SNAPC4: variants seen among roughly 807,000 people sequenced by gnomAD.
SNAPC4 encodes the protein snRNA-activating protein complex subunit 4.
In SNAPC4, 127 loss-of-function variants were observed where a neutral mutation model predicts 151.3. The ratio of observed to expected loss-of-function variants is 0.84; its 90% CI spans 0.73 to 0.97. SNAPC4 has a LOEUF of 0.97. SNAPC4 is among the 50% of genes least tolerant of loss of function. SNAPC4 has a pLI of 0.00. For synonymous variants in SNAPC4, 1,002 were observed against 824.4 expected, an observed-to-expected ratio of 1.22 and a Z score of -3.69; for missense variants, 2,186 against 1,935.0, an observed-to-expected ratio of 1.13 and a Z score of -2.43.
At chr9:136,381,689 A>G (rs1677832885) in intron 18 of SNAPC4, 135 bp downstream of exon 18, 9 of 1,100,190 alleles carry the variant, frequency 8.2e-6, no homozygotes, top group Non-Finnish European at 1.2e-5. Context: ...GAAGCTGACC[A>G]GAGGTGGCGC....
At position 136,379,780 on chromosome 9, in the gene SNAPC4, T is replaced by C. The variant is rs1833620157; in HGVS notation, c.2527+57A>G. On this transcript the variant is annotated intron_variant, in intron 21 of 23. Coordinates refer to ENST00000684778, the MANE Select transcript of SNAPC4 (RefSeq NM_003086.4). ...GAAAGCCAGGGCCAGGTTAGGCCTC[T>C]TCCCCGCCAGGGCCAGGTTAGGTCT... 44 of 1,561,840 alleles carry C rather than the reference T, an allele frequency of 2.8e-5. No individual in the cohort carries two copies. The South Asian group carries it at 4.6e-4, about 16-fold the overall frequency.
intron 9 of SNAPC4, 105 bp from the exon 10 acceptor site, chr9:136,392,211 G>C (rs139076496): frequency 1.2e-5 from 17 of 1,403,516 alleles, no homozygotes; most frequent in Non-Finnish European, 1.6e-5. Flanking sequence ...AGGCTTCCAC[G>C]GCTGCAAGTA....
In SNAPC4 at chr9:136,383,646, C is replaced by A. The variant is rs145651274; in HGVS notation, c.1523G>T (p.Arg508Leu). ...MMGKKQGLRRRRRRARHSVRW... is the reference protein window; with the variant it reads ...MMGKKQGLRRLRRRARHSVRW... The stretch of plus-strand genomic sequence containing the variant: ...GACGCTGTGACGGGCCCTCCGCCGC[C>A]GCCTCCGGAGACCCTGCTTCTTCTG... Residue 508 changes from arginine (R) to leucine (L), a missense_variant, in exon 16 of 24, where the codon CGG becomes CTG. By Grantham distance (102) the Arg-to-Leu change is moderately radical. Transcript: ENST00000684778. This position sits in a 1 kb window ranked among gnomAD's most constrained non-coding sequence, Gnocchi z 4.2. The A allele has an allele frequency of 6.2e-7, 1 of 1,607,834 alleles. No homozygotes were observed. The highest frequency in any genetic ancestry group is 2.2e-5 in the East Asian group (1 of 44,814).
At chr9:136,385,532 G>A (rs775574685) in intron 13 of SNAPC4, among the ~76,000 whole-genome samples, 6 of 151,490 alleles carry the variant, frequency 4.0e-5, no homozygotes, top group African/African-American at 1.2e-4. Flanking sequence ...ACAGAAACGC[G>A]GTATTTATAT....
chr9:136,395,628 A>T lies in SNAPC4; in HGVS notation c.320T>A (p.Leu107Gln). 6.2e-6 allele frequency: 10 copies of T among 1,612,460 alleles called. No homozygotes were observed. Among genetic ancestry groups the T allele is most frequent in the Non-Finnish European group, 8.5e-6 (10 of 1,179,670 alleles). Reference protein sequence around the residue: ...IQEKLAEANLLLAQNREQQEE... With the variant: ...IQEKLAEANLQLAQNREQQEE... ...CTGCTGCTCCCGGTTCTGGGCCAGC[A>T]GCAGGTTGGCCTCAGCCAGCTTCTC... The change falls in exon 4 of 24, where the codon CTG becomes CAG. Residue 107 changes from leucine to glutamine, a missense_variant. Leu to Gln is a moderately radical substitution (Grantham distance 113). Coordinates refer to ENST00000684778, the MANE Select transcript of SNAPC4 (RefSeq NM_003086.4).
chr9:136,378,480 AG>A lies in SNAPC4; in HGVS notation c.3346del (p.Leu1116Ter). On this transcript the variant is annotated frameshift_variant, in exon 22 of 24. Transcript: ENST00000684778. LOFTEE classifies it high-confidence loss of function. ...GCCCTGGGCCGCCCGAGTCTCAGTC[AG>A]GGGAGGCAGCAGAGTGGCCAGCAGC... ...AGLLATLLPP[L>X]TETRAAQGPR... The A allele has an allele frequency of 6.3e-7, 1 of 1,590,248 alleles. No homozygotes were observed.
rs150446568 is a variant in SNAPC4 at position 136,379,278 on chromosome 9, G to T, written c.2549C>A (p.Pro850Gln). 1 of 1,612,596 alleles carries T rather than the reference G, an allele frequency of 6.2e-7. No homozygotes were observed. Among genetic ancestry groups the T allele is most frequent in the Admixed American group, 1.7e-5 (1 of 59,996 alleles). Residue 850 changes from proline (P) to glutamine (Q), a missense_variant, in exon 22 of 24, where the codon CCG (proline) becomes CAG (glutamine). By Grantham distance (76) the Pro-to-Gln change is moderately conservative. Transcript: ENST00000684778. ...GGCACTCTTTGAGGCTTCTTGAGCCGGCACGTTTGGGAAGAGGTGGCCTGT... is the reference window on the plus strand; with the variant it reads ...GGCACTCTTTGAGGCTTCTTGAGCCTGCACGTTTGGGAAGAGGTGGCCTGT... The part of the protein sequence containing the change: ...STPGHLFPNV[P>Q]AQEASKSASH...
At position 136,379,104 on chromosome 9, in the gene SNAPC4, C is replaced by T; in HGVS notation, c.2723G>A (p.Arg908Lys). ...CACCACCGGGCCCCGGGTGGCCTCC[C>T]TGGCACGGGCCTCCTGAAGCCGCTT... is the stretch of plus-strand genomic sequence containing the variant. Reference protein sequence around the residue: ...QEKRLQEARAREATRGPVVLP... With the variant: ...QEKRLQEARAKEATRGPVVLP... The change falls in exon 22 of 24, where the codon AGG (arginine) becomes AAG (lysine). Residue 908 changes from arginine to lysine, a missense_variant. Physicochemically the swap from Arg to Lys is conservative, Grantham distance 26 (BLOSUM62 2). Transcript: ENST00000684778. The T allele has an allele frequency of 6.4e-7, 1 of 1,561,626 alleles. No homozygotes were observed. The highest frequency in any genetic ancestry group is 1.3e-5 in the African/African-American group (1 of 74,320).
rs1023466656 is a variant in SNAPC4 at position 136,377,896 on chromosome 9, G to A, written c.3931C>T (p.Leu1311=). The change falls in exon 22 of 24, where the codon CTG becomes TTG. Residue 1311 remains leucine, a synonymous_variant. Coordinates refer to ENST00000684778, the MANE Select transcript of SNAPC4 (RefSeq NM_003086.4). ...LPYQPPALCS[L]RALSGLLLHK... ...AGTAGGAGACCGGACAGAGCTCGCA[G>A]GCTGCACAGGGCTGGGGGCTGATAG... 1.2e-6 allele frequency: 2 copies of A among 1,611,236 alleles called. No homozygotes were observed. Among genetic ancestry groups the A allele is most frequent in the African/African-American group, 1.3e-5 (1 of 74,908 alleles).
At chr9:136,376,130 A>C (rs907557027) in intron 23 of SNAPC4, among the ~76,000 whole-genome samples, 2 of 152,352 alleles carry the variant, frequency 1.3e-5, no homozygotes, top group East Asian at 3.9e-4. Context: ...GGTCAGGGGC[A>C]CAGTGGTGCC....
At chr9:136,390,051 G>A (rs17065036) in intron 10 of SNAPC4, among the ~76,000 whole-genome samples, 3,348 of 152,094 alleles carry the variant, frequency 0.022, 153 homozygotes, top group African/African-American at 0.075. Flanking sequence ...GAGAAAAACC[G>A]GACTTACAGT....
rs142524437 is a variant in SNAPC4, at chr9:136,383,279, G to T, written c.1890C>A (p.Val630=). Residue 630 remains valine, a synonymous_variant, in exon 16 of 24, where the codon GTC becomes GTA. Coordinates refer to ENST00000684778, the MANE Select transcript of SNAPC4 (RefSeq NM_003086.4). This position sits in a 1 kb window ranked among gnomAD's most constrained non-coding sequence, Gnocchi z 4.2. ...GGACAGGGCCGTGGGCCCTGGCAGGGACCTGCACCGGACTCGTCTCCTCTC... is the reference window on the plus strand; with the variant it reads ...GGACAGGGCCGTGGGCCCTGGCAGGTACCTGCACCGGACTCGTCTCCTCTC... The part of the protein sequence containing the change: ...APGEETSPVQ[V]PARAHGPVPR... 3.8e-5 allele frequency: 62 copies of T among 1,612,124 alleles called. No individual in the cohort carries two copies. The African/African-American group carries it at 7.5e-4, about 19-fold the overall frequency.
At chr9:136,399,749 G>T (rs1834389628) in intron 1 of SNAPC4, among the ~76,000 whole-genome samples, 1 of 152,316 alleles carries the variant, frequency 6.6e-6, no homozygotes, top group Non-Finnish European at 1.5e-5. Flanking sequence ...CACTGGCTTG[G>T]GAGACAGACC....
chr9:136,391,732 TG>T (rs1260818939), intron 10 of SNAPC4, among the ~76,000 whole-genome samples: 1 of 152,244 alleles, frequency 6.6e-6, no homozygotes, highest in African/African-American at 2.4e-5. Flanking sequence ...CCTGGAGGAC[TG>T]GGAAGGCCCA....
At position 136,378,234 on chromosome 9, in the gene SNAPC4, G is replaced by C. The variant is rs1833539401; in HGVS notation, c.3593C>G (p.Ala1198Gly). The change falls in exon 22 of 24, where the codon GCA becomes GGA. Residue 1198 changes from alanine to glycine, a missense_variant. Physicochemically the swap from Ala to Gly is moderately conservative, Grantham distance 60 (BLOSUM62 0). Transcript: ENST00000684778. ...RTSSHADPPE[A>G]EPPWSGRLPA... is the part of the protein sequence containing the mutation. ...CAGCCTCCCGGACCAAGGGGGTTCT[G>C]CTTCAGGAGGGTCAGCGTGGGAGGA... 6.2e-7 allele frequency: 1 copy of C among 1,611,060 alleles called. No individual in the cohort carries two copies. Among genetic ancestry groups the C allele is most frequent in the African/African-American group, 1.3e-5 (1 of 74,926 alleles).
chr9:136,394,579 G>T (rs1018164293), intron 6 of SNAPC4, among the ~76,000 whole-genome samples: 1 of 152,260 alleles, frequency 6.6e-6, no homozygotes, highest in African/African-American at 2.4e-5. Flanking sequence ...CCAGAGGGTG[G>T]GGTGCGGCCT....
At chr9:136,382,417 C>T in intron 16 of SNAPC4, 81 bp from the exon 17 acceptor site, 1 of 1,170,398 alleles carries the variant, frequency 8.5e-7, no homozygotes, top group Non-Finnish European at 1.3e-6. Flanking sequence ...CCACACACGA[C>T]TGCCTCTTCA....
At position 136,381,993 on chromosome 9, in the gene SNAPC4, CACA is replaced by C; in HGVS notation, c.2145_2147del (p.His715_Val716delinsGln). On this transcript the variant is annotated inframe_deletion, in exon 18 of 24. Coordinates refer to ENST00000684778, the MANE Select transcript of SNAPC4 (RefSeq NM_003086.4). Reference sequence around the variant, plus strand: ...GGGTGGCTCTGTGCCGTAGCCACTGCACATGGGATCGGGCCACGCTGTCACCAG... The same window carrying C: ...GGGTGGCTCTGTGCCGTAGCCACTGCTGGGATCGGGCCACGCTGTCACCAG... The C allele has an allele frequency of 6.2e-7, 1 of 1,611,046 alleles. No homozygotes were observed. Among genetic ancestry groups the C allele is most frequent in the Non-Finnish European group, 8.5e-7 (1 of 1,179,634 alleles).
intron 1 of SNAPC4, chr9:136,398,750 C>T: frequency 3.9e-6 from 1 of 258,676 alleles, no homozygotes; most frequent in South Asian, 5.6e-5. Flanking sequence ...CCCGTCTCTG[C>T]TCCCACACCA....
Sources: gnomAD v4.1 joint callset for allele counts (sites outside exome capture counted in the v4.1 genomes callset) on GRCh38, gnomAD v4.1.1 for gene constraint, Gnocchi (gnomAD v3.1) non-coding constraint, MANE v1.5 for transcripts, NCBI Gene and HGNC (gene_info 2026-07-23, HGNC 2026-07-21) for gene names.